CDK14: variants seen among roughly 807,000 people sequenced by gnomAD.
CDK14 encodes cyclin-dependent kinase 14.
CDK14 carries 34 observed loss-of-function variants against 60.7 expected under a neutral mutation model. The ratio of observed to expected loss-of-function variants is 0.56; its 90% confidence interval spans 0.43 to 0.75. CDK14 has a LOEUF of 0.75. Among genes scored for constraint, CDK14 ranks in the 30% least tolerant of loss-of-function variants. The pLI is 0.00. For missense variants in CDK14, 482 were observed against 564.1 expected (o/e 0.85, Z 1.47); for synonymous variants, 197 against 203.7 (o/e 0.97, Z 0.28).
intron 14 of CDK14, among the ~76,000 whole-genome samples, chr7:91,202,118 C>T (rs1023361467): frequency 2.6e-5 from 4 of 152,142 alleles, no homozygotes; most frequent in African/African-American, 9.7e-5. Flanking sequence ...TTTTCATCTC[C>T]TCCATCACAT....
At chr7:90,926,250 G>A (rs62468473) in intron 8 of CDK14, among the ~76,000 whole-genome samples, 6,499 of 152,130 alleles carry the variant, frequency 0.043, 164 homozygotes, top group South Asian at 0.072. Flanking sequence ...CCTGATCACT[G>A]GGATCCTGTC....
intron 2 of CDK14, among the ~76,000 whole-genome samples, chr7:90,694,131 T>A (rs4727237): frequency 0.82 from 124,233 of 152,180 alleles, 50,821 homozygotes; most frequent in Non-Finnish European, 0.84. Context: ...TCTTTGTGCC[T>A]TAGGGCTTGG....
intron 10 of CDK14, among the ~76,000 whole-genome samples, chr7:91,029,029 C>T (rs1796682429): frequency 6.6e-6 from 1 of 151,826 alleles, no homozygotes; most frequent in Admixed American, 6.6e-5. Flanking sequence ...AATTCTTTGC[C>T]TAGGCCAATG....
intron 2 of CDK14, among the ~76,000 whole-genome samples, chr7:90,614,165 C>T (rs898633162): frequency 2.6e-5 from 4 of 152,084 alleles, no homozygotes; most frequent in Admixed American, 1.3e-4. Context: ...CGCCACCTGC[C>T]TGGCTAATTT....
intron 14 of CDK14, among the ~76,000 whole-genome samples, chr7:91,169,151 T>C (rs983672775): frequency 2.0e-5 from 3 of 152,216 alleles, no homozygotes; most frequent in Non-Finnish European, 4.4e-5. Flanking sequence ...TACATTTTCT[T>C]TGAACAGAAC....
At chr7:91,142,041 G>A (rs114691747) in intron 14 of CDK14, among the ~76,000 whole-genome samples, 1 of 152,118 alleles carries the variant, frequency 6.6e-6, no homozygotes, top group African/African-American at 2.4e-5. Flanking sequence ...TAGCAGGACG[G>A]TCTCAATCTC....
intron 3 of CDK14, among the ~76,000 whole-genome samples, chr7:90,742,081 T>A (rs187882962): frequency 6.6e-6 from 1 of 152,200 alleles, no homozygotes; most frequent in Non-Finnish European, 1.5e-5. Context: ...CTCCTACGTT[T>A]GTGATACTTG....
At chr7:91,106,999 C>G (rs1041162465) in intron 12 of CDK14, among the ~76,000 whole-genome samples, 2 of 152,210 alleles carry the variant, frequency 1.3e-5, no homozygotes, top group African/African-American at 4.8e-5. Context: ...AACTAGGACA[C>G]AGGAGAATCA....
At chr7:90,814,042 T>A (rs1789249452) in intron 5 of CDK14, among the ~76,000 whole-genome samples, 1 of 152,214 alleles carries the variant, frequency 6.6e-6, no homozygotes. Context: ...TTCTTCCAAA[T>A]TCTCTAAATA....
At chr7:90,873,396 A>C (rs1457128595) in intron 6 of CDK14, among the ~76,000 whole-genome samples, 1 of 152,250 alleles carries the variant, frequency 6.6e-6, no homozygotes, top group Non-Finnish European at 1.5e-5. Flanking sequence ...ACTGGTGGCT[A>C]TAACTTCACA....
intron 9 of CDK14, among the ~76,000 whole-genome samples, chr7:90,972,139 A>G (rs1037029902): frequency 6.6e-6 from 1 of 152,224 alleles, no homozygotes. Flanking sequence ...TTTTGAATCA[A>G]ATATTTTCTA....
At chr7:90,765,522 A>G (rs900411332) in intron 4 of CDK14, among the ~76,000 whole-genome samples, 1 of 152,134 alleles carries the variant, frequency 6.6e-6, no homozygotes, top group Non-Finnish European at 1.5e-5. Flanking sequence ...TTCAAAGAGC[A>G]TGGACGATGA....
At chr7:90,753,819 A>G (rs1055013382) in intron 4 of CDK14, among the ~76,000 whole-genome samples, 3 of 152,180 alleles carry the variant, frequency 2.0e-5, no homozygotes, top group Non-Finnish European at 2.9e-5. Flanking sequence ...ATCCAGCATT[A>G]TTTCTATACA....
At chr7:90,606,293 CTGTT>C (rs1265561059) in intron 2 of CDK14, among the ~76,000 whole-genome samples, 2 of 152,148 alleles carry the variant, frequency 1.3e-5, no homozygotes, top group Admixed American at 6.5e-5. Flanking sequence ...CAACTACCCT[CTGTT>C]TGGGCATTTG....
intron 14 of CDK14, among the ~76,000 whole-genome samples, chr7:91,127,531 C>T (rs574909975): frequency 1.3e-4 from 20 of 152,238 alleles, no homozygotes; most frequent in Non-Finnish European, 2.2e-4. Context: ...ACCAGGGTTC[C>T]GGATTCACGT....
intron 1 of CDK14, among the ~76,000 whole-genome samples, chr7:90,602,021 G>T (rs556687611): frequency 6.6e-6 from 1 of 152,138 alleles, no homozygotes; most frequent in Admixed American, 6.5e-5. Flanking sequence ...TGCCCAGGCT[G>T]GTCTCAAACT....
At chr7:90,655,941 A>G (rs1260469695) in intron 2 of CDK14, among the ~76,000 whole-genome samples, 1 of 152,192 alleles carries the variant, frequency 6.6e-6, no homozygotes, top group African/African-American at 2.4e-5. Flanking sequence ...ACCTAACTTC[A>G]GGAAAATCAC....
chr7:90,664,375 G>A (rs1295008730), intron 2 of CDK14, among the ~76,000 whole-genome samples: 3 of 152,254 alleles, frequency 2.0e-5, no homozygotes, highest in East Asian at 1.9e-4. Context: ...GTGGAAGTCG[G>A]TGTGGCGATT....
intron 6 of CDK14, among the ~76,000 whole-genome samples, chr7:90,897,646 G>A (rs1357726520): frequency 1.3e-5 from 2 of 151,900 alleles, no homozygotes; most frequent in Non-Finnish European, 2.9e-5. Context: ...TTAAGGATGG[G>A]GAAGTTAATA....
Sources: allele counts gnomAD v4.1 joint callset (sites outside exome capture counted in the v4.1 genomes callset), GRCh38; gene constraint gnomAD v4.1.1; transcripts MANE v1.5; gene names NCBI Gene and HGNC (gene_info 2026-07-23, HGNC 2026-07-21).